CORO1C: variants seen among roughly 807,000 people sequenced by gnomAD.
CORO1C encodes the protein coronin-1C.
Under a neutral mutation model 51.2 loss-of-function variants are expected in CORO1C, and 14 were observed. The ratio of observed to expected loss-of-function variants is 0.27; its 90% CI spans 0.18 to 0.43. The LOEUF is 0.43. Among genes scored for constraint, CORO1C ranks in the 20% least tolerant of loss-of-function variants. CORO1C has a pLI of 1.00. For missense variants in CORO1C, 417 were observed against 607.8 expected (o/e 0.69, Z 3.30); for synonymous variants, 181 against 210.5 (o/e 0.86, Z 1.21).
intron 3 of CORO1C, among the ~76,000 whole-genome samples, chr12:108,678,059 G>A (rs2033972490): frequency 6.6e-6 from 1 of 151,962 alleles, no homozygotes; most frequent in African/African-American, 2.4e-5. Flanking sequence ...AGACACTGCA[G>A]TACAACCTTT....
At chr12:108,716,127 C>CAA (rs61278729) in intron 1 of CORO1C, among the ~76,000 whole-genome samples, 1,361 of 41,202 alleles carry the variant, frequency 0.033, 149 homozygotes, top group Non-Finnish European at 0.043. Flanking sequence ...GACTCTGTCG[C>CAA]AAAAAAAAAA....
intron 6 of CORO1C, among the ~76,000 whole-genome samples, chr12:108,655,040 A>G (rs964214942): frequency 1.3e-5 from 2 of 152,080 alleles, no homozygotes; most frequent in African/African-American, 4.8e-5. Flanking sequence ...TTAATTATAA[A>G]ATATGTGTGC....
At chr12:108,729,660 T>A (rs745500260) in intron 1 of CORO1C, among the ~76,000 whole-genome samples, 1 of 152,246 alleles carries the variant, frequency 6.6e-6, no homozygotes, top group South Asian at 2.1e-4. Flanking sequence ...TTATGCTTCA[T>A]AGCCAAACAT....
intron 3 of CORO1C, among the ~76,000 whole-genome samples, chr12:108,677,929 G>C (rs1161068621): frequency 1.3e-5 from 2 of 151,644 alleles, no homozygotes; most frequent in African/African-American, 2.4e-5. Flanking sequence ...TGAGGCAGGA[G>C]AATCACTTGA....
At chr12:108,710,394 G>GA (rs1174107088) in intron 1 of CORO1C, among the ~76,000 whole-genome samples, 7 of 151,060 alleles carry the variant, frequency 4.6e-5, no homozygotes, top group Middle Eastern at 3.4e-3. Context: ...ACTTTAAAAA[G>GA]AAAAAAAATG....
At chr12:108,683,776 C>A (rs1237489191) in intron 2 of CORO1C, among the ~76,000 whole-genome samples, 6 of 152,026 alleles carry the variant, frequency 3.9e-5, no homozygotes, top group African/African-American at 1.4e-4. Flanking sequence ...TCAGCAAATA[C>A]CAAAAAACAC....
chr12:108,660,561 T>C (rs1355764916), intron 4 of CORO1C, among the ~76,000 whole-genome samples: 1 of 152,112 alleles, frequency 6.6e-6, no homozygotes, highest in Non-Finnish European at 1.5e-5. Context: ...TTCCTCTGCC[T>C]TCTTCCCTAT....
intron 3 of CORO1C, among the ~76,000 whole-genome samples, chr12:108,666,358 G>A (rs551444566): frequency 1.3e-5 from 2 of 152,154 alleles, no homozygotes; most frequent in Non-Finnish European, 2.9e-5. Context: ...GAAATAAGAA[G>A]ACAACAGAAT....
intron 1 of CORO1C, among the ~76,000 whole-genome samples, chr12:108,711,478 G>A (rs1413754345): frequency 2.0e-5 from 3 of 152,042 alleles, no homozygotes; most frequent in Non-Finnish European, 2.9e-5. Flanking sequence ...TCAGGAGTTC[G>A]AGACCAGACT....
rs138072620 is a variant in CORO1C at position 108,698,045 on chromosome 12, G to A, written c.195+3079C>T. 2.0e-5 allele frequency among the ~76,000 whole-genome samples: 3 copies of A among 152,196 alleles called. No individual in the cohort carries two copies. The East Asian group carries it at 5.8e-4, about 29-fold the overall frequency. On this transcript the variant is annotated intron_variant, in intron 2 of 10. Transcript: ENST00000261401. Reference sequence around the variant, plus strand: ...GCCTGGTAACCAGCCAGCATCTCAGGTAGGAACAGCAACTTAGAAGAAAAA... The same window carrying A: ...GCCTGGTAACCAGCCAGCATCTCAGATAGGAACAGCAACTTAGAAGAAAAA...
rs1383413679 is a variant in CORO1C at position 108,646,809 on chromosome 12, T to C, written c.*594A>G. 6.6e-6 allele frequency: 1 copy of C among 152,664 alleles called. No individual in the cohort carries two copies. The highest frequency in any genetic ancestry group is 1.5e-5 in the Non-Finnish European group (1 of 68,064). The allele number at this position is 152,664 out of a possible 1,614,324, so 9.5% of individuals were successfully genotyped here. On this transcript the variant is annotated 3_prime_UTR_variant, in exon 11 of 11. Transcript: ENST00000261401. ...TTGTGCTGCAAAGGAGCCAGCACCA[T>C]GTGGCTACTGCTTTGATTGTTCTCA...
intron 1 of CORO1C, among the ~76,000 whole-genome samples, chr12:108,702,457 C>A (rs1367391305): frequency 6.6e-6 from 1 of 152,198 alleles, no homozygotes; most frequent in Non-Finnish European, 1.5e-5. Context: ...ACACTGAAAG[C>A]TTTGTGCTTT....
intron 1 of CORO1C, among the ~76,000 whole-genome samples, chr12:108,704,911 T>A (rs1382293898): frequency 6.6e-6 from 1 of 152,154 alleles, no homozygotes; most frequent in Non-Finnish European, 1.5e-5. Flanking sequence ...AAATTCTCTA[T>A]CCAAAAATGG....
At chr12:108,722,500 T>C (rs1343480042) in intron 1 of CORO1C, among the ~76,000 whole-genome samples, 1 of 152,198 alleles carries the variant, frequency 6.6e-6, no homozygotes, top group Non-Finnish European at 1.5e-5. Flanking sequence ...CTCTTTCACA[T>C]GACTACCAGC....
chr12:108,699,147 G>A (rs1195833802), intron 2 of CORO1C, among the ~76,000 whole-genome samples: 1 of 152,148 alleles, frequency 6.6e-6, no homozygotes, highest in Non-Finnish European at 1.5e-5. Flanking sequence ...TTCTATCCTA[G>A]TTCCCATAAT....
intron 6 of CORO1C, 150 bp downstream of exon 6, chr12:108,657,154 G>C: frequency 1.0e-6 from 1 of 980,728 alleles, no homozygotes; most frequent in Non-Finnish European, 1.4e-6. Context: ...AGTCTCCAAC[G>C]AGGATAAGAA....
At chr12:108,723,065 C>T (rs1041011987) in intron 1 of CORO1C, among the ~76,000 whole-genome samples, 1 of 152,208 alleles carries the variant, frequency 6.6e-6, no homozygotes, top group African/African-American at 2.4e-5. Flanking sequence ...CTGTGGCCAG[C>T]CCTCATTGGC....
rs2035382640 is a variant in CORO1C at position 108,718,051 on chromosome 12, CTA to C, written c.-6+13376_-6+13377del. On this transcript the variant is annotated intron_variant, in intron 1 of 10. Coordinates refer to ENST00000261401, the MANE Select transcript of CORO1C (RefSeq NM_014325.4). ...TGGCCAATATTGTGAAACCCCATCT[CTA>C]TTAAAAATACAAAAATTAGGTCAGG... Among the ~76,000 whole-genome samples, 7 of 151,948 alleles carry C rather than the reference CTA, an allele frequency of 4.6e-5. No homozygotes were observed. In the South Asian group the frequency reaches 1.5e-3, roughly 32 times the overall value.
chr12:108,669,267 A>C (rs923944292), intron 3 of CORO1C, among the ~76,000 whole-genome samples: 1 of 152,246 alleles, frequency 6.6e-6, no homozygotes, highest in Non-Finnish European at 1.5e-5. Context: ...TAATACAAAA[A>C]GCAGTTTTTA....
Sources: gnomAD v4.1 joint callset for allele counts (sites outside exome capture counted in the v4.1 genomes callset) on GRCh38, gnomAD v4.1.1 for gene constraint, MANE v1.5 for transcripts, NCBI Gene and HGNC (gene_info 2026-07-23, HGNC 2026-07-21) for gene names.